Variants in CALN1 observed in about 807,000 individuals in gnomAD.
CALN1 encodes calcium-binding protein 8.
A neutral mutation model predicts 30.6 loss-of-function variants in CALN1; 17 were observed. That is an observed-to-expected ratio of 0.56 (90% CI 0.38 to 0.83). The LOEUF is 0.83. Ranked by LOEUF, CALN1 falls within the 40% of genes least tolerant of loss-of-function variation. CALN1 has a pLI of 0.00. For missense variants in CALN1, 291 were observed against 354.9 expected (o/e 0.82, Z 1.45); for synonymous variants, 156 against 131.4 (o/e 1.19, Z -1.28).
the CALN1 span, among the ~76,000 whole-genome samples, chr7:72,470,701 A>AT: frequency 6.9e-3 from 1,053 of 152,318 alleles, 5 homozygotes; most frequent in Non-Finnish European, 0.011. Flanking sequence ...AAAATATGTC[A>AT]TATGTTGTGT....
At chr7:72,016,820 G>T (rs984170170) in intron 5 of CALN1, among the ~76,000 whole-genome samples, 2 of 151,466 alleles carry the variant, frequency 1.3e-5, no homozygotes, top group African/African-American at 4.9e-5. Context: ...GGGCTGGGAA[G>T]AACTAGGTTT....
At chr7:71,899,869 T>C (rs955918583) in intron 5 of CALN1, among the ~76,000 whole-genome samples, 6 of 152,018 alleles carry the variant, frequency 3.9e-5, no homozygotes, top group Non-Finnish European at 5.9e-5. Context: ...TGAGGTGAAA[T>C]TCTCATCACA....
At chr7:71,899,424 T>C (rs1439786787) in intron 5 of CALN1, among the ~76,000 whole-genome samples, 1 of 152,126 alleles carries the variant, frequency 6.6e-6, no homozygotes, top group Non-Finnish European at 1.5e-5. Flanking sequence ...ATTACAGACG[T>C]GAGCCACCAC....
At chr7:72,247,574 T>C (rs1374736356) in intron 3 of CALN1, among the ~76,000 whole-genome samples, 2 of 152,090 alleles carry the variant, frequency 1.3e-5, no homozygotes, top group Non-Finnish European at 2.9e-5. Context: ...CATTTTCTTA[T>C]TAAAGATAAA....
intron 5 of CALN1, among the ~76,000 whole-genome samples, chr7:71,840,612 G>A (rs1789884856): frequency 6.6e-6 from 1 of 152,000 alleles, no homozygotes; most frequent in Non-Finnish European, 1.5e-5. Flanking sequence ...ATTAAATTCG[G>A]AGAGACCTGT....
chr7:71,806,903 G>A (rs1212337207), intron 6 of CALN1, among the ~76,000 whole-genome samples: 1 of 152,188 alleles, frequency 6.6e-6, no homozygotes, highest in East Asian at 1.9e-4. Context: ...CTACCCTACT[G>A]TCATTAAACT....
At chr7:72,474,423 C>T in the CALN1 span, among the ~76,000 whole-genome samples, 2 of 152,112 alleles carry the variant, frequency 1.3e-5, no homozygotes, top group South Asian at 2.1e-4. Flanking sequence ...CAGAGGCTCA[C>T]ACCTGTAATC....
chr7:72,487,734 A>AAAGGAAGGAAGGAAGGAAGG, the CALN1 span, among the ~76,000 whole-genome samples: 27 of 56,618 alleles, frequency 4.8e-4, 2 homozygotes, highest in African/African-American at 2.1e-3. Context: ...AGAAAGAAAG[A>AAAGGAAGGAAGGAAGGAAGG]AAGGAAGGAA....
chr7:71,831,150 T>C (rs1205511608), intron 5 of CALN1, among the ~76,000 whole-genome samples: 4 of 152,126 alleles, frequency 2.6e-5, no homozygotes, highest in African/African-American at 9.7e-5. Flanking sequence ...TGACTTGGAA[T>C]CTGTTTCCTC....
chr7:71,981,590 G>A (rs1044273731), intron 5 of CALN1, among the ~76,000 whole-genome samples: 1 of 151,988 alleles, frequency 6.6e-6, no homozygotes, highest in Non-Finnish European at 1.5e-5. Flanking sequence ...GGAGGCGGAG[G>A]AGGTTACAGT....
intron 6 of CALN1, among the ~76,000 whole-genome samples, chr7:71,788,442 G>A (rs1793101134): frequency 6.6e-6 from 1 of 151,228 alleles, no homozygotes; most frequent in Admixed American, 6.6e-5. Context: ...TTCTACAGTG[G>A]GGTCGTTGGA....
At chr7:71,991,330 G>T (rs187677330) in intron 5 of CALN1, among the ~76,000 whole-genome samples, 41 of 152,008 alleles carry the variant, frequency 2.7e-4, no homozygotes, top group African/African-American at 9.2e-4. Context: ...GTGGTGGTGG[G>T]TGCCTGTAAT....
chr7:72,044,820 A>C (rs539381704), intron 4 of CALN1, among the ~76,000 whole-genome samples: 1 of 151,712 alleles, frequency 6.6e-6, no homozygotes, highest in Non-Finnish European at 1.5e-5. Context: ...GGGTCTCACT[A>C]TGTTCCCCAG....
chr7:71,931,597 A>C (rs932539603), intron 5 of CALN1, among the ~76,000 whole-genome samples: 1 of 152,190 alleles, frequency 6.6e-6, no homozygotes. Context: ...GCCCTACGAA[A>C]ACAGGTAGTG....
chr7:71,832,814 C>T (rs112583042), intron 5 of CALN1, among the ~76,000 whole-genome samples: 142 of 151,808 alleles, frequency 9.4e-4, no homozygotes, highest in African/African-American at 3.1e-3. Context: ...CCATCTTGGC[C>T]GGGCTGGTCT....
intron 3 of CALN1, among the ~76,000 whole-genome samples, chr7:72,132,519 A>G (rs1475419875): frequency 1.3e-5 from 2 of 152,164 alleles, no homozygotes; most frequent in South Asian, 4.1e-4. Flanking sequence ...ATCTCCAGTT[A>G]ACTGACATAT....
chr7:72,245,702 G>C (rs1294878786), intron 3 of CALN1, among the ~76,000 whole-genome samples: 1 of 152,170 alleles, frequency 6.6e-6, no homozygotes, highest in African/African-American at 2.4e-5. Context: ...TCACTTCCCA[G>C]ACATCACACC....
At chr7:72,333,111 C>CA (rs1419466933) in intron 2 of CALN1, among the ~76,000 whole-genome samples, 1 of 152,196 alleles carries the variant, frequency 6.6e-6, no homozygotes, top group Non-Finnish European at 1.5e-5. Flanking sequence ...TCTAATTTCT[C>CA]AGACTTTCCC....
At chr7:72,228,946 A>C (rs1357405764) in intron 3 of CALN1, among the ~76,000 whole-genome samples, 1 of 134,550 alleles carries the variant, frequency 7.4e-6, no homozygotes, top group Admixed American at 7.5e-5. Context: ...TTTTTTGTAG[A>C]GATGTTGGTG....
Sources: allele counts gnomAD v4.1 joint callset (sites outside exome capture counted in the v4.1 genomes callset), GRCh38; gene constraint gnomAD v4.1.1; transcripts MANE v1.5; gene names NCBI Gene and HGNC (gene_info 2026-07-23, HGNC 2026-07-21).